Variants in RXFP4 observed in about 807,000 individuals in gnomAD.
RXFP4 encodes the protein relaxin-3 receptor 2.
For synonymous variants in RXFP4, 182 were observed against 218.0 expected (o/e 0.83, Z 1.45); for missense variants, 425 against 491.3 (o/e 0.87, Z 1.28).
rs1674328293 is a variant in RXFP4, at chr1:155,942,304, T to TA, written c.596dup (p.Tyr199Ter). ...TTGCCTGCTGCGTTTCCCCAGCAGG[T>TA]ACTGGCTGGGGGCCTACCAGCTGCA... The part of the protein sequence containing the change: ...RLCLLRFPSR[Y>*]WLGAYQLQRV... The change falls in exon 1 of 1, where the codon TAC becomes TAAC. Residue 199 changes from tyrosine to a stop codon, truncating the protein, a stop_gained and frameshift_variant. Transcript: ENST00000368318. LOFTEE classifies it low-confidence loss of function (END_TRUNC). The surrounding 1 kb of genome is among the most constrained non-coding windows in gnomAD (Gnocchi z 5.2). 6.3e-7 allele frequency: 1 copy of TA among 1,593,082 alleles called. No individual in the cohort carries two copies. The highest frequency in any genetic ancestry group is 1.3e-5 in the African/African-American group (1 of 74,756).
At position 155,941,889 on chromosome 1, in the gene RXFP4, G is replaced by T. The variant is rs1674317635; in HGVS notation, c.180G>T (p.Val60=). 1.9e-6 allele frequency: 3 copies of T among 1,614,118 alleles called. No individual in the cohort carries two copies. The highest frequency in any genetic ancestry group is 1.3e-5 in the African/African-American group (1 of 74,938). Residue 60 remains valine (V), a synonymous_variant, in exon 1 of 1, where the codon GTG becomes GTT. Coordinates refer to ENST00000368318, the MANE Select transcript of RXFP4 (RefSeq NM_181885.3). ...GAIGLLGNLA[V]LWVLSNCARR... is the part of the protein sequence containing the mutation. ...TTGGCTTGCTGGGAAATTTGGCGGT[G>T]CTGTGGGTACTGAGTAACTGTGCCC... is the stretch of plus-strand genomic sequence containing the variant.
In RXFP4 at chr1:155,942,781, G is replaced by A. The variant is rs1674341473; in HGVS notation, c.1072G>A (p.Glu358Lys). 6.4e-7 allele frequency: 1 copy of A among 1,565,120 alleles called. No homozygotes were observed. The highest frequency in any genetic ancestry group is 2.2e-5 in the East Asian group (1 of 44,600). ...GRRWVASNPR[E>K]SRPSTLLTNL... ...GCGGTGGGTCGCAAGCAACCCCCGGGAGAGCCGCCCTTCTACCCTGCTCAC... is the reference window on the plus strand; with the variant it reads ...GCGGTGGGTCGCAAGCAACCCCCGGAAGAGCCGCCCTTCTACCCTGCTCAC... Residue 358 changes from glutamate (E) to lysine (K), a missense_variant, in exon 1 of 1, where the codon GAG becomes AAG. By Grantham distance (56) the Glu-to-Lys change is moderately conservative (BLOSUM62 1). Coordinates refer to ENST00000368318, the MANE Select transcript of RXFP4 (RefSeq NM_181885.3). This position sits in a 1 kb window ranked among gnomAD's most constrained non-coding sequence, Gnocchi z 5.2.
In RXFP4 at chr1:155,942,006, C is replaced by G. The variant is rs751854013; in HGVS notation, c.297C>G (p.Ala99=). 6.2e-7 allele frequency: 1 copy of G among 1,613,122 alleles called. No homozygotes were observed. The highest frequency in any genetic ancestry group is 1.1e-5 in the South Asian group (1 of 91,088). Residue 99 remains alanine, a synonymous_variant, in exon 1 of 1, where the codon GCC becomes GCG. Transcript: ENST00000368318. The surrounding 1 kb of genome is among the most constrained non-coding windows in gnomAD (Gnocchi z 5.2). ...CACTCACTCTCCCCTTTTGGGCAGCCGAGTCGGCACTGGACTTTCACTGGC... is the reference window on the plus strand; with the variant it reads ...CACTCACTCTCCCCTTTTGGGCAGCGGAGTCGGCACTGGACTTTCACTGGC... ...GLALTLPFWA[A]ESALDFHWPF...
chr1:155,942,383 T>C lies in RXFP4; in HGVS notation c.674T>C (p.Leu225Pro). 2.6e-6 allele frequency: 4 copies of C among 1,551,102 alleles called. No individual in the cohort carries two copies. Among genetic ancestry groups the C allele is most frequent in the Non-Finnish European group, 3.5e-6 (4 of 1,145,766 alleles). Reference sequence around the variant, plus strand: ...TTGGGCGTCATCACCACCAGCTACCTGCTGCTGCTGGCCTTCCTGCAGCGG... The same window carrying C: ...TTGGGCGTCATCACCACCAGCTACCCGCTGCTGCTGGCCTTCCTGCAGCGG... ...VPLGVITTSY[L>P]LLLAFLQRRQ... The change falls in exon 1 of 1, where the codon CTG becomes CCG. Residue 225 changes from leucine to proline, a missense_variant. Coordinates refer to ENST00000368318, the MANE Select transcript of RXFP4 (RefSeq NM_181885.3). This position sits in a 1 kb window ranked among gnomAD's most constrained non-coding sequence, Gnocchi z 5.2.
Position 155,942,929 on chromosome 1 carries a change from T to G in RXFP4, c.*95T>G. The G allele has an allele frequency of 2.4e-6, 3 of 1,244,056 alleles. No individual in the cohort carries two copies. The highest frequency in any genetic ancestry group is 2.6e-5 in the East Asian group (1 of 38,316). The allele number at this position is 1,244,056 out of a possible 1,614,324, so 77.1% of individuals were successfully genotyped here. ...AGCTGCCCTCTCTGCCAGGCTGCAGTGCCCTCAGGGAAAAGTCTGATCTTT... is the reference window on the plus strand; with the variant it reads ...AGCTGCCCTCTCTGCCAGGCTGCAGGGCCCTCAGGGAAAAGTCTGATCTTT... On this transcript the variant is annotated 3_prime_UTR_variant, in exon 1 of 1. Coordinates refer to ENST00000368318, the MANE Select transcript of RXFP4 (RefSeq NM_181885.3). This position sits in a 1 kb window ranked among gnomAD's most constrained non-coding sequence, Gnocchi z 5.2.
chr1:155,942,538 G>T lies in RXFP4; in HGVS notation c.829G>T (p.Val277Leu), dbSNP rs1463300594. 6.2e-7 allele frequency: 1 copy of T among 1,614,094 alleles called. No individual in the cohort carries two copies. The highest frequency in any genetic ancestry group is 8.5e-7 in the Non-Finnish European group (1 of 1,179,972). ...GGGTGTCCTGGTGAAGTTTGACCTG[G>T]TGCCCTGGAACAGTACTTTCTATAC... ...LWGVLVKFDLVPWNSTFYTIQ... is the reference protein window; with the variant it reads ...LWGVLVKFDLLPWNSTFYTIQ... The change falls in exon 1 of 1, where the codon GTG becomes TTG. Residue 277 changes from valine to leucine, a missense_variant. By Grantham distance (32) the Val-to-Leu change is conservative. Transcript: ENST00000368318. The surrounding 1 kb of genome is among the most constrained non-coding windows in gnomAD (Gnocchi z 5.2).
In RXFP4 at chr1:155,942,392, T is replaced by C; in HGVS notation, c.683T>C (p.Leu228Pro). The C allele has an allele frequency of 6.4e-7, 1 of 1,554,804 alleles. No homozygotes were observed. ...GVITTSYLLL[L>P]AFLQRRQRRR... ...ATCACCACCAGCTACCTGCTGCTGC[T>C]GGCCTTCCTGCAGCGGCGGCAACGG... The change falls in exon 1 of 1, where the codon CTG (leucine) becomes CCG (proline). Residue 228 changes from leucine to proline, a missense_variant. Transcript: ENST00000368318. This position sits in a 1 kb window ranked among gnomAD's most constrained non-coding sequence, Gnocchi z 5.2.
Position 155,941,745 on chromosome 1 carries a change from A to G in RXFP4, c.36A>G (p.Thr12=). The G allele has an allele frequency of 1.2e-6, 2 of 1,614,028 alleles. No individual in the cohort carries two copies. The highest frequency in any genetic ancestry group is 1.7e-4 in the Middle Eastern group (1 of 6,060). Residue 12 remains threonine, a synonymous_variant, in exon 1 of 1, where the codon ACA becomes ACG. Transcript: ENST00000368318. ...PTLNTSASPP[T]FFWANASGGS... is the part of the protein sequence containing the mutation. The stretch of plus-strand genomic sequence containing the variant: ...TCAATACTTCTGCCTCTCCACCCAC[A>G]TTCTTCTGGGCCAATGCCTCCGGAG...
rs1307318039 is a variant in RXFP4 at position 155,941,855 on chromosome 1, T to TG, written c.151dup (p.Ala51GlyfsTer16). 6.2e-7 allele frequency: 1 copy of TG among 1,614,192 alleles called. No individual in the cohort carries two copies. The highest frequency in any genetic ancestry group is 1.7e-5 in the Admixed American group (1 of 60,026). ...ATGGTTGCCCTGGCCTATGGGCTTG[T>TG]GGGGGCCATTGGCTTGCTGGGAAAT... On this transcript the variant is annotated frameshift_variant, in exon 1 of 1. Coordinates refer to ENST00000368318, the MANE Select transcript of RXFP4 (RefSeq NM_181885.3). LOFTEE classifies it low-confidence loss of function (END_TRUNC).
rs1444728293 is a variant in RXFP4, at chr1:155,942,306, C to A, written c.597C>A (p.Tyr199Ter). Reference sequence around the variant, plus strand: ...GCCTGCTGCGTTTCCCCAGCAGGTACTGGCTGGGGGCCTACCAGCTGCAGA... The same window carrying A: ...GCCTGCTGCGTTTCCCCAGCAGGTAATGGCTGGGGGCCTACCAGCTGCAGA... ...RLCLLRFPSR[Y>*]WLGAYQLQRV... Residue 199 changes from tyrosine (Y) to a stop codon, truncating the protein, a stop_gained, in exon 1 of 1, where the codon TAC becomes TAA. Transcript: ENST00000368318. LOFTEE classifies it low-confidence loss of function (END_TRUNC). The surrounding 1 kb of genome is among the most constrained non-coding windows in gnomAD (Gnocchi z 5.2). The A allele has an allele frequency of 1.3e-6, 2 of 1,591,618 alleles. No individual in the cohort carries two copies. Among genetic ancestry groups the A allele is most frequent in the South Asian group, 2.3e-5 (2 of 88,118 alleles).
chr1:155,941,651 A>C lies in RXFP4; in HGVS notation c.-59A>C, dbSNP rs1480682184. ...CCTAGAGCCTTCAGTGGCCTCTGCC[A>C]GTCTGGCAGACACTTGCAGACCTCT... On this transcript the variant is annotated 5_prime_UTR_variant, in exon 1 of 1. Coordinates refer to ENST00000368318, the MANE Select transcript of RXFP4 (RefSeq NM_181885.3). 27 of 1,554,548 alleles carry C rather than the reference A, an allele frequency of 1.7e-5. No individual in the cohort carries two copies. Among genetic ancestry groups the C allele is most frequent in the Middle Eastern group, 3.4e-4 (2 of 5,840 alleles).
At position 155,942,002 on chromosome 1, in the gene RXFP4, C is replaced by T. The variant is rs1674320051; in HGVS notation, c.293C>T (p.Ala98Val). Reference sequence around the variant, plus strand: ...CTGGCACTCACTCTCCCCTTTTGGGCAGCCGAGTCGGCACTGGACTTTCAC... The same window carrying T: ...CTGGCACTCACTCTCCCCTTTTGGGTAGCCGAGTCGGCACTGGACTTTCAC... ...LGLALTLPFWAAESALDFHWP... is the reference protein window; with the variant it reads ...LGLALTLPFWVAESALDFHWP... The change falls in exon 1 of 1, where the codon GCA becomes GTA. Residue 98 changes from alanine to valine, a missense_variant. Coordinates refer to ENST00000368318, the MANE Select transcript of RXFP4 (RefSeq NM_181885.3). This position sits in a 1 kb window ranked among gnomAD's most constrained non-coding sequence, Gnocchi z 5.2. 2.5e-6 allele frequency: 4 copies of T among 1,613,288 alleles called. No individual in the cohort carries two copies. Among genetic ancestry groups the T allele is most frequent in the African/African-American group, 2.7e-5 (2 of 74,952 alleles).
rs1298314630 is a variant in RXFP4 at position 155,941,714 on chromosome 1, C to T, written c.5C>T (p.Pro2Leu). 5 of 1,613,554 alleles carry T rather than the reference C, an allele frequency of 3.1e-6. No individual in the cohort carries two copies. Among genetic ancestry groups the T allele is most frequent in the Admixed American group, 1.7e-5 (1 of 59,978 alleles). The change falls in exon 1 of 1, where the codon CCC becomes CTC. Residue 2 changes from proline to leucine, a missense_variant. Coordinates refer to ENST00000368318, the MANE Select transcript of RXFP4 (RefSeq NM_181885.3). ...ACCAATCTCTGATGCCCTGCGATGC[C>T]CACACTCAATACTTCTGCCTCTCCA... M[P>L]TLNTSASPPT...
At position 155,942,232 on chromosome 1, in the gene RXFP4, C is replaced by T; in HGVS notation, c.523C>T (p.Pro175Ser). 1.2e-6 allele frequency: 2 copies of T among 1,613,810 alleles called. No individual in the cohort carries two copies. Among genetic ancestry groups the T allele is most frequent in the Non-Finnish European group, 1.7e-6 (2 of 1,179,980 alleles). ...GGCGGCGGCTGCCCTGGTGACGGTG[C>T]CCACAGCTGTCTTCGGGGTGGAGGG... Reference protein sequence around the residue: ...VWAAAALVTVPTAVFGVEGEV... With the variant: ...VWAAAALVTVSTAVFGVEGEV... The change falls in exon 1 of 1, where the codon CCC becomes TCC. Residue 175 changes from proline (P) to serine (S), a missense_variant. Pro to Ser is a moderately conservative substitution (Grantham distance 74). Transcript: ENST00000368318. This position sits in a 1 kb window ranked among gnomAD's most constrained non-coding sequence, Gnocchi z 5.2.
Position 155,942,453 on chromosome 1 carries a change from C to G in RXFP4, c.744C>G (p.Val248=). 1 of 1,591,134 alleles carries G rather than the reference C, an allele frequency of 6.3e-7. No individual in the cohort carries two copies. The highest frequency in any genetic ancestry group is 1.2e-5 in the South Asian group (1 of 86,684). ...ACAGCAGGGTCGTGGCCCGCTCTGT[C>G]CGCATCCTGGTGGCTTCCTTCTTCC... is the stretch of plus-strand genomic sequence containing the variant. ...RQDSRVVARS[V]RILVASFFLC... The change falls in exon 1 of 1, where the codon GTC becomes GTG. Residue 248 remains valine (V), a synonymous_variant. Coordinates refer to ENST00000368318, the MANE Select transcript of RXFP4 (RefSeq NM_181885.3). This position sits in a 1 kb window ranked among gnomAD's most constrained non-coding sequence, Gnocchi z 5.2.
Position 155,942,325 on chromosome 1 carries a change from C to T in RXFP4, c.616C>T (p.Leu206=), listed in dbSNP as rs1416072400. The change falls in exon 1 of 1, where the codon CTG becomes TTG. Residue 206 remains leucine, a synonymous_variant. Transcript: ENST00000368318. This position sits in a 1 kb window ranked among gnomAD's most constrained non-coding sequence, Gnocchi z 5.2. Reference sequence around the variant, plus strand: ...CAGGTACTGGCTGGGGGCCTACCAGCTGCAGAGGGTGGTGCTGGCTTTCAT... The same window carrying T: ...CAGGTACTGGCTGGGGGCCTACCAGTTGCAGAGGGTGGTGCTGGCTTTCAT... ...PSRYWLGAYQ[L]QRVVLAFMVP... is the part of the protein sequence containing the mutation. 2 of 1,574,076 alleles carry T rather than the reference C, an allele frequency of 1.3e-6. No individual in the cohort carries two copies. Among genetic ancestry groups the T allele is most frequent in the African/African-American group, 2.7e-5 (2 of 74,294 alleles).
rs751457242 is a variant in RXFP4, at chr1:155,942,555, T to C, written c.846T>C (p.Thr282=). 5 of 1,614,186 alleles carry C rather than the reference T, an allele frequency of 3.1e-6. 1 individual carries two copies. In the South Asian group the frequency reaches 3.3e-5, roughly 11 times the overall value. The part of the protein sequence containing the change: ...VKFDLVPWNS[T]FYTIQTYVFP... ...TTGACCTGGTGCCCTGGAACAGTACTTTCTATACTATCCAGACGTATGTCT... is the reference window on the plus strand; with the variant it reads ...TTGACCTGGTGCCCTGGAACAGTACCTTCTATACTATCCAGACGTATGTCT... The change falls in exon 1 of 1, where the codon ACT becomes ACC. Residue 282 remains threonine, a synonymous_variant. Coordinates refer to ENST00000368318, the MANE Select transcript of RXFP4 (RefSeq NM_181885.3). The surrounding 1 kb of genome is among the most constrained non-coding windows in gnomAD (Gnocchi z 5.2).
chr1:155,942,641 T>A lies in RXFP4; in HGVS notation c.932T>A (p.Leu311His). Residue 311 changes from leucine to histidine, a missense_variant, in exon 1 of 1, where the codon CTC becomes CAC. Transcript: ENST00000368318. The surrounding 1 kb of genome is among the most constrained non-coding windows in gnomAD (Gnocchi z 5.2). ...NSCLNPVLYC[L>H]LRREPRQALA... The stretch of plus-strand genomic sequence containing the variant: ...TGCCTCAACCCTGTGCTGTACTGTC[T>A]CCTGAGGCGGGAGCCCCGGCAGGCT... 6.2e-7 allele frequency: 1 copy of A among 1,614,086 alleles called. No individual in the cohort carries two copies. Among genetic ancestry groups the A allele is most frequent in the South Asian group, 1.1e-5 (1 of 91,088 alleles).
Position 155,942,795 on chromosome 1 carries a change from T to C in RXFP4, c.1086T>C (p.Ser362=), listed in dbSNP as rs1315181049. 4.5e-6 allele frequency: 7 copies of C among 1,544,896 alleles called. No homozygotes were observed. Among genetic ancestry groups the C allele is most frequent in the Non-Finnish European group, 4.3e-6 (5 of 1,151,440 alleles). ...GCAACCCCCGGGAGAGCCGCCCTTC[T>C]ACCCTGCTCACCAACCTGGACAGAG... ...VASNPRESRP[S]TLLTNLDRGT... The change falls in exon 1 of 1, where the codon TCT becomes TCC. Residue 362 remains serine (S), a synonymous_variant. Transcript: ENST00000368318. The surrounding 1 kb of genome is among the most constrained non-coding windows in gnomAD (Gnocchi z 5.2).
Sources: gnomAD v4.1 joint callset for allele counts on GRCh38, gnomAD v4.1.1 for gene constraint, Gnocchi (gnomAD v3.1) non-coding constraint, MANE v1.5 for transcripts, NCBI Gene and HGNC (gene_info 2026-07-23, HGNC 2026-07-21) for gene names.